Variants in CCN4 observed in about 807,000 individuals in gnomAD.
CCN4 encodes the protein CCN family member 4.
In CCN4, 30 loss-of-function variants were observed where a neutral mutation model predicts 36.7. The ratio of observed to expected loss-of-function variants is 0.82; its 90% CI spans 0.61 to 1.11. The LOEUF (loss-of-function observed/expected upper bound fraction) is 1.11, where lower values mean the gene tolerates loss of function less well. Among genes scored for constraint, CCN4 ranks in the 50% least tolerant of loss-of-function variants. CCN4 has a pLI of 0.00. For missense variants in CCN4, 505 were observed against 504.9 expected, an observed-to-expected ratio of 1.00 and a Z score of 0.00; for synonymous variants, 191 against 195.4, an observed-to-expected ratio of 0.98 and a Z score of 0.19.
intron 1 of CCN4, among the ~76,000 whole-genome samples, chr8:133,203,242 ACTC>A (rs1213177455): frequency 2.0e-5 from 3 of 151,914 alleles, no homozygotes; most frequent in Non-Finnish European, 4.4e-5. Flanking sequence ...AGGGCTCCTC[ACTC>A]CTCTTCTGGG....
intron 1 of CCN4, among the ~76,000 whole-genome samples, chr8:133,202,381 C>A (rs139974847): frequency 6.6e-6 from 1 of 152,266 alleles, no homozygotes; most frequent in African/African-American, 2.4e-5. Context: ...GGAGGCTGGA[C>A]GTTCTCAGAG....
rs148444304 is a variant in CCN4, at chr8:133,191,340, C to T, written c.69+127C>T. On this transcript the variant is annotated intron_variant, in intron 1 of 4. Transcript: ENST00000250160. ...TTTGGGGCTGGAAGGTGGCCACTTA[C>T]AGGGCAAGGACAGAGCCCAGGGTGA... The T allele has an allele frequency of 8.8e-5, 100 of 1,141,008 alleles. No homozygotes were observed. In the East Asian group the frequency reaches 2.5e-3, roughly 28 times the overall value. The allele number at this position is 1,141,008 out of a possible 1,614,324, so 70.7% of individuals were successfully genotyped here.
intron 3 of CCN4, 55 bp from the exon 4 acceptor site, chr8:133,225,335 G>T (rs2280834): frequency 5.3e-6 from 8 of 1,504,714 alleles, no homozygotes; most frequent in South Asian, 2.7e-5. Flanking sequence ...TGAAAGTGAG[G>T]GTTGGGGGCT....
chr8:133,217,936 C>CCACACACACACACGCACA (rs56318195), intron 2 of CCN4, among the ~76,000 whole-genome samples: 164 of 144,508 alleles, frequency 1.1e-3, no homozygotes, highest in Middle Eastern at 3.4e-3. Context: ...ACTCCCTTCT[C>CCACACACACACACGCACA]CACACACACA....
Position 133,191,130 on chromosome 8 carries a change from C to T in CCN4, c.-15C>T, listed in dbSNP as rs1400855877. 5 of 1,605,622 alleles carry T rather than the reference C, an allele frequency of 3.1e-6. No homozygotes were observed. Among genetic ancestry groups the T allele is most frequent in the East Asian group, 4.5e-5 (2 of 44,846 alleles). ...TGGGCTGCTCGGTCGATGCCTGTGCCACTGACGTCCAGGCATGAGGTGGTT... is the reference window on the plus strand; with the variant it reads ...TGGGCTGCTCGGTCGATGCCTGTGCTACTGACGTCCAGGCATGAGGTGGTT... On this transcript the variant is annotated 5_prime_UTR_variant, in exon 1 of 5. Coordinates refer to ENST00000250160, the MANE Select transcript of CCN4 (RefSeq NM_003882.4).
At chr8:133,226,847 G>A (rs571999501) in intron 4 of CCN4, among the ~76,000 whole-genome samples, 1 of 152,304 alleles carries the variant, frequency 6.6e-6, no homozygotes. Context: ...TACTAGGCAT[G>A]GAATTATACC....
In CCN4 at chr8:133,194,774, G is replaced by T. The variant is rs549201918; in HGVS notation, c.69+3561G>T. On this transcript the variant is annotated intron_variant, in intron 1 of 4. Transcript: ENST00000250160. Reference sequence around the variant, plus strand: ...GTGGGGTATGTGCCTGGGGTGTGTGGGGGGGATGTGTGGTGTGTGTGTGTG... The same window carrying T: ...GTGGGGTATGTGCCTGGGGTGTGTGTGGGGGATGTGTGGTGTGTGTGTGTG... 2.1e-3 allele frequency among the ~76,000 whole-genome samples: 275 copies of T among 133,996 alleles called. 1 individual carries two copies. The highest frequency in any genetic ancestry group is 7.6e-3 in the African/African-American group (266 of 35,180). 87.9% of individuals were successfully genotyped at this position (133,996 alleles called of 152,430 possible).
chr8:133,199,387 C>G (rs1354646814), intron 1 of CCN4, among the ~76,000 whole-genome samples: 1 of 152,182 alleles, frequency 6.6e-6, no homozygotes, highest in African/African-American at 2.4e-5. Flanking sequence ...ATCCCAGCCC[C>G]AAGCCCTTAA....
intron 2 of CCN4, among the ~76,000 whole-genome samples, chr8:133,216,021 A>G (rs1854308584): frequency 6.6e-6 from 1 of 152,182 alleles, no homozygotes; most frequent in Non-Finnish European, 1.5e-5. Flanking sequence ...ACACAGTTAT[A>G]CATATACACA....
chr8:133,207,684 GT>G (rs1262858251), intron 1 of CCN4, among the ~76,000 whole-genome samples: 2 of 151,952 alleles, frequency 1.3e-5, no homozygotes, highest in Admixed American at 1.3e-4. Context: ...ATATGAGATA[GT>G]GCAAACAGAG....
chr8:133,221,573 A>G (rs1854529248), intron 3 of CCN4, among the ~76,000 whole-genome samples: 1 of 151,614 alleles, frequency 6.6e-6, no homozygotes, highest in Non-Finnish European at 1.5e-5. Context: ...AGGATGATGA[A>G]TGAATGGGTG....
At chr8:133,223,928 A>G (rs553313606) in intron 3 of CCN4, among the ~76,000 whole-genome samples, 1 of 152,312 alleles carries the variant, frequency 6.6e-6, no homozygotes, top group African/African-American at 2.4e-5. Context: ...CGGGAGATAC[A>G]TGCATCAATA....
rs974244675 is a variant in CCN4, at chr8:133,220,613, G to A, written c.382G>A (p.Val128Met). The A allele has an allele frequency of 6.2e-7, 1 of 1,614,168 alleles. No individual in the cohort carries two copies. Among genetic ancestry groups the A allele is most frequent in the Non-Finnish European group, 8.5e-7 (1 of 1,179,994 alleles). Residue 128 changes from valine (V) to methionine (M), a missense_variant, in exon 3 of 5, where the codon GTG (valine) becomes ATG (methionine). By Grantham distance (21) the Val-to-Met change is conservative. Transcript: ENST00000250160. ...VVGVGCVLDG[V>M]RYNNGQSFQP... is the part of the protein sequence containing the mutation. Reference sequence around the variant, plus strand: ...CGGTGTGGGCTGCGTCCTGGATGGGGTGCGCTACAACAACGGCCAGTCCTT... The same window carrying A: ...CGGTGTGGGCTGCGTCCTGGATGGGATGCGCTACAACAACGGCCAGTCCTT...
At chr8:133,195,305 G>C (rs996995558) in intron 1 of CCN4, among the ~76,000 whole-genome samples, 4 of 149,186 alleles carry the variant, frequency 2.7e-5, no homozygotes, top group Admixed American at 2.0e-4. Context: ...TGTATGTGTT[G>C]TGTTTGCGTG....
At chr8:133,201,899 G>A (rs1853600852) in intron 1 of CCN4, among the ~76,000 whole-genome samples, 1 of 152,110 alleles carries the variant, frequency 6.6e-6, no homozygotes, top group African/African-American at 2.4e-5. Context: ...TGGGGAAAAT[G>A]GAAGGAACAA....
At chr8:133,218,485 T>C (rs896429471) in intron 2 of CCN4, among the ~76,000 whole-genome samples, 2 of 152,230 alleles carry the variant, frequency 1.3e-5, no homozygotes, top group Non-Finnish European at 2.9e-5. Flanking sequence ...GATAATGTGA[T>C]AGTGTTTCTG....
At chr8:133,221,724 A>AATGGATGG (rs143527799) in intron 3 of CCN4, among the ~76,000 whole-genome samples, 28,538 of 151,336 alleles carry the variant, frequency 0.19, 3,380 homozygotes, top group East Asian at 0.33. Flanking sequence ...TGAATGTATG[A>AATGGATGG]ATGGATGGAT....
chr8:133,217,936 C>CACACACACACACACACACACACACA (rs1854381190), intron 2 of CCN4, among the ~76,000 whole-genome samples: 2 of 144,432 alleles, frequency 1.4e-5, no homozygotes, highest in African/African-American at 5.3e-5. Flanking sequence ...ACTCCCTTCT[C>CACACACACACACACACACACACACA]CACACACACA....
At chr8:133,200,501 C>A (rs1564252384) in intron 1 of CCN4, among the ~76,000 whole-genome samples, 1 of 152,224 alleles carries the variant, frequency 6.6e-6, no homozygotes, top group Non-Finnish European at 1.5e-5. Flanking sequence ...CTCCCCATAG[C>A]CACCGCCAAG....
Sources: allele counts gnomAD v4.1 joint callset (sites outside exome capture counted in the v4.1 genomes callset), GRCh38; gene constraint gnomAD v4.1.1; transcripts MANE v1.5; gene names NCBI Gene and HGNC (gene_info 2026-07-23, HGNC 2026-07-21).